ASCC3: variants seen among roughly 807,000 people sequenced by gnomAD.
ASCC3 encodes activating signal cointegrator 1 complex subunit 3.
In ASCC3, 158 loss-of-function variants were observed where a neutral mutation model predicts 256.3. That is an observed-to-expected ratio of 0.62 (90% CI 0.54 to 0.70). The LOEUF (loss-of-function observed/expected upper bound fraction) is 0.70. ASCC3 is among the 30% of genes least tolerant of loss of function. ASCC3 has a pLI of 0.00. For missense variants in ASCC3, 2,259 were observed against 2,626.0 expected (o/e 0.86, Z 3.05); for synonymous variants, 948 against 883.4 (o/e 1.07, Z -1.30).
At chr6:100,853,361 T>C (rs989379856) in intron 3 of ASCC3, among the ~76,000 whole-genome samples, 6 of 151,982 alleles carry the variant, frequency 3.9e-5, no homozygotes, top group African/African-American at 1.4e-4. Context: ...GAGTAGAAAA[T>C]TTTAATTAAA....
chr6:100,647,894 G>A (rs1426521485), intron 20 of ASCC3, among the ~76,000 whole-genome samples: 6 of 151,646 alleles, frequency 4.0e-5, no homozygotes, highest in Admixed American at 3.9e-4. Flanking sequence ...ATGAGAGAAG[G>A]GTGACAAATG....
At chr6:100,683,775 G>GT (rs923438185) in intron 13 of ASCC3, among the ~76,000 whole-genome samples, 5 of 150,918 alleles carry the variant, frequency 3.3e-5, no homozygotes, top group African/African-American at 1.2e-4. Flanking sequence ...TTTTATTTGA[G>GT]TTTTTTAGGT....
chr6:100,546,169 A>G (rs1775709783), intron 36 of ASCC3, among the ~76,000 whole-genome samples: 1 of 152,250 alleles, frequency 6.6e-6, no homozygotes, highest in Non-Finnish European at 1.5e-5. Context: ...TATGAAGTAC[A>G]CTTAGAGATG....
intron 14 of ASCC3, among the ~76,000 whole-genome samples, chr6:100,670,820 A>C (rs550110599): frequency 2.5e-4 from 38 of 152,138 alleles, no homozygotes; most frequent in African/African-American, 8.9e-4. Context: ...TTTCACTGCT[A>C]CGAATTTTTC....
intron 37 of ASCC3, chr6:100,531,041 A>G: frequency 2.5e-6 from 4 of 1,580,994 alleles, no homozygotes; most frequent in Non-Finnish European, 3.5e-6. Context: ...GACAAAAAGT[A>G]CAACAGTGTA....
intron 13 of ASCC3, among the ~76,000 whole-genome samples, chr6:100,683,988 G>A (rs1777434404): frequency 6.6e-6 from 1 of 151,986 alleles, no homozygotes; most frequent in Admixed American, 6.6e-5. Context: ...TTTGAGTTCT[G>A]GTCCTGTTAT....
chr6:100,697,567 A>T (rs1001371978), intron 13 of ASCC3, among the ~76,000 whole-genome samples: 1 of 152,040 alleles, frequency 6.6e-6, no homozygotes, highest in Non-Finnish European at 1.5e-5. Flanking sequence ...CATTTTCAAG[A>T]AAATAAACAA....
At chr6:100,702,629 G>A (rs1157359446) in intron 13 of ASCC3, among the ~76,000 whole-genome samples, 1 of 152,182 alleles carries the variant, frequency 6.6e-6, no homozygotes, top group Admixed American at 6.6e-5. Context: ...GGTAGAGAAG[G>A]AAAATGCTAT....
At chr6:100,532,170 T>C (rs981834940) in intron 37 of ASCC3, among the ~76,000 whole-genome samples, 3 of 151,332 alleles carry the variant, frequency 2.0e-5, no homozygotes, top group African/African-American at 4.8e-5. Context: ...TTGTTGAAAT[T>C]ACTTTAACTG....
At chr6:100,859,362 G>A (rs373498871) in intron 3 of ASCC3, among the ~76,000 whole-genome samples, 1 of 152,124 alleles carries the variant, frequency 6.6e-6, no homozygotes, top group East Asian at 1.9e-4. Flanking sequence ...GTAGAGGGTT[G>A]TTCCACATTA....
At position 100,848,450 on chromosome 6, in the gene ASCC3, A is replaced by C; in HGVS notation, c.499T>G (p.Leu167Val). ...TCATGCATGTCAAATGAAAATGCTA[A>C]ATTTTTACCAAAAAAAACCCTATCG... The part of the protein sequence containing the change: ...HGDRVFFGKN[L>V]AFSFDMHDLD... The change falls in exon 4 of 42, where the codon TTA becomes GTA. Residue 167 changes from leucine (L) to valine (V), a missense_variant. Leu to Val is a conservative substitution (Grantham distance 32). This residue lies in a region of ASCC3 where 420 missense variants were observed against 419.3 expected (regional missense o/e 1.00). Coordinates refer to ENST00000369162, the MANE Select transcript of ASCC3 (RefSeq NM_006828.4). 1 of 1,611,246 alleles carries C rather than the reference A, an allele frequency of 6.2e-7. No homozygotes were observed. The highest frequency in any genetic ancestry group is 8.5e-7 in the Non-Finnish European group (1 of 1,178,692).
intron 10 of ASCC3, among the ~76,000 whole-genome samples, chr6:100,742,333 C>G (rs1780475193): frequency 6.6e-6 from 1 of 152,028 alleles, no homozygotes; most frequent in East Asian, 1.9e-4. Context: ...GAGGTCTCAC[C>G]CAGTCAGGAG....
chr6:100,812,291 T>C (rs1023745449), intron 4 of ASCC3, among the ~76,000 whole-genome samples: 5 of 152,100 alleles, frequency 3.3e-5, no homozygotes, highest in African/African-American at 1.2e-4. Flanking sequence ...AATGGAGAAG[T>C]ATGATCCATA....
At chr6:100,796,685 G>C (rs1375779365) in intron 8 of ASCC3, among the ~76,000 whole-genome samples, 1 of 152,114 alleles carries the variant, frequency 6.6e-6, no homozygotes, top group African/African-American at 2.4e-5. Context: ...ATCCTCACCA[G>C]AAACAAAATC....
chr6:100,759,922 TGA>T (rs1267794215), intron 10 of ASCC3, among the ~76,000 whole-genome samples: 4 of 152,160 alleles, frequency 2.6e-5, no homozygotes, highest in African/African-American at 9.7e-5. Context: ...GTAGAAATTG[TGA>T]GAGTTCATTC....
chr6:100,571,199 A>G (rs1770575806), intron 36 of ASCC3, among the ~76,000 whole-genome samples: 1 of 152,158 alleles, frequency 6.6e-6, no homozygotes, highest in Non-Finnish European at 1.5e-5. Flanking sequence ...GAAATTTCCA[A>G]GCAGCTCCTG....
At position 100,717,997 on chromosome 6, in the gene ASCC3, G is replaced by A; in HGVS notation, c.2079+78C>T. 2.9e-6 allele frequency: 4 copies of A among 1,402,712 alleles called. No homozygotes were observed. The South Asian group carries it at 3.6e-5, about 13-fold the overall frequency. The allele number at this position is 1,402,712 out of a possible 1,614,324, so 86.9% of individuals were successfully genotyped here. ...CACAAAAGGCTGAAATGGTCTTTTGGAGTCTCTAACTCCAAACAAGTATTC... is the reference window on the plus strand; with the variant it reads ...CACAAAAGGCTGAAATGGTCTTTTGAAGTCTCTAACTCCAAACAAGTATTC... On this transcript the variant is annotated intron_variant, in intron 12 of 41. Coordinates refer to ENST00000369162, the MANE Select transcript of ASCC3 (RefSeq NM_006828.4).
intron 13 of ASCC3, among the ~76,000 whole-genome samples, chr6:100,707,969 G>C (rs1005781536): frequency 1.3e-5 from 2 of 151,902 alleles, no homozygotes; most frequent in African/African-American, 4.8e-5. Context: ...AACCCCACCT[G>C]GATTTTCTCT....
chr6:100,569,663 C>G (rs182601336), intron 36 of ASCC3, among the ~76,000 whole-genome samples: 1 of 152,102 alleles, frequency 6.6e-6, no homozygotes, highest in African/African-American at 2.4e-5. Flanking sequence ...GGATTACAGG[C>G]GTGGCGCGGT....
Sources: gnomAD v4.1 joint callset for allele counts (sites outside exome capture counted in the v4.1 genomes callset) on GRCh38, gnomAD v4.1.1 for gene constraint, gnomAD v4.1.1 regional missense constraint, MANE v1.5 for transcripts, NCBI Gene and HGNC (gene_info 2026-07-23, HGNC 2026-07-21) for gene names.